The following ELMO1 variants were observed in gnomAD, a reference collection of about 807,000 sequenced individuals.
The protein encoded by ELMO1 is engulfment and cell motility protein 1.
A neutral mutation model predicts 98.9 loss-of-function variants in ELMO1; 26 were observed. The ratio of observed to expected loss-of-function variants is 0.26; its 90% confidence interval spans 0.19 to 0.36. The LOEUF (loss-of-function observed/expected upper bound fraction) is 0.36. ELMO1 is among the 10% of genes least tolerant of loss of function. ELMO1 has a pLI of 1.00. For synonymous variants in ELMO1, 346 were observed against 346.0 expected, an observed-to-expected ratio of 1.00 and a Z score of 0.00; for missense variants, 627 against 935.2, an observed-to-expected ratio of 0.67 and a Z score of 4.30.
chr7:37,403,464 T>C (rs1803619388), intron 1 of ELMO1, among the ~76,000 whole-genome samples: 1 of 152,148 alleles, frequency 6.6e-6, no homozygotes, highest in South Asian at 2.1e-4. Flanking sequence ...AGGTGAAGCA[T>C]CGTGGATTTT....
intron 16 of ELMO1, among the ~76,000 whole-genome samples, chr7:36,949,814 G>T (rs1787819165): frequency 6.6e-6 from 1 of 151,754 alleles, no homozygotes; most frequent in Non-Finnish European, 1.5e-5. Context: ...ACCCCACCCA[G>T]ATGTGACAAA....
chr7:37,119,718 T>C (rs1470709998), intron 14 of ELMO1, among the ~76,000 whole-genome samples: 1 of 152,244 alleles, frequency 6.6e-6, no homozygotes, highest in African/African-American at 2.4e-5. Flanking sequence ...TGTCTTCTGA[T>C]TTGGCATAAT....
intron 13 of ELMO1, among the ~76,000 whole-genome samples, chr7:37,142,781 T>C (rs1412886792): frequency 6.6e-6 from 1 of 152,224 alleles, no homozygotes; most frequent in African/African-American, 2.4e-5. Flanking sequence ...TGTTGCTATA[T>C]GAGTTTCAAA....
At chr7:37,355,084 CTCT>C (rs998979709) in intron 1 of ELMO1, among the ~76,000 whole-genome samples, 13 of 152,166 alleles carry the variant, frequency 8.5e-5, no homozygotes, top group African/African-American at 2.9e-4. Context: ...TACCATTAGG[CTCT>C]TTCTCCCGGC....
chr7:37,192,986 T>G lies in ELMO1; in HGVS notation c.1086+18400A>C, dbSNP rs905541290. Among the ~76,000 whole-genome samples, 15 of 51,856 alleles carry G rather than the reference T, an allele frequency of 2.9e-4. No homozygotes were observed. The East Asian group carries it at 5.6e-3, about 19-fold the overall frequency. 34.0% of individuals were successfully genotyped at this position (51,856 alleles called of 152,430 possible). ...TATATAGGAGATATATATATATATATATATATATATATATATATATATACA... is the reference window on the plus strand; with the variant it reads ...TATATAGGAGATATATATATATATAGATATATATATATATATATATATACA... On this transcript the variant is annotated intron_variant, in intron 13 of 21. Transcript: ENST00000310758.
chr7:36,963,111 G>A (rs1039023487), intron 16 of ELMO1, among the ~76,000 whole-genome samples: 1 of 152,174 alleles, frequency 6.6e-6, no homozygotes, highest in Non-Finnish European at 1.5e-5. Context: ...TGAGCTGGGC[G>A]TGGTGGCTCA....
chr7:37,396,491 A>C (rs1420187491), intron 1 of ELMO1, among the ~76,000 whole-genome samples: 1 of 152,224 alleles, frequency 6.6e-6, no homozygotes, highest in Non-Finnish European at 1.5e-5. Flanking sequence ...AGTAGATAAA[A>C]AACCTAGGTA....
intron 16 of ELMO1, among the ~76,000 whole-genome samples, chr7:36,947,120 G>A (rs942210244): frequency 6.6e-6 from 1 of 152,138 alleles, no homozygotes; most frequent in Non-Finnish European, 1.5e-5. Flanking sequence ...ACCTTGCCCT[G>A]CTCCCTCTCT....
intron 16 of ELMO1, among the ~76,000 whole-genome samples, chr7:36,989,029 TCTAG>T (rs962940945): frequency 3.1e-4 from 47 of 152,346 alleles, no homozygotes; most frequent in Middle Eastern, 3.4e-3. Flanking sequence ...GTTGGGTTGA[TCTAG>T]CTAACATTTA....
chr7:37,250,627 C>G (rs764557721), intron 6 of ELMO1, among the ~76,000 whole-genome samples: 2 of 151,898 alleles, frequency 1.3e-5, no homozygotes, highest in Non-Finnish European at 2.9e-5. Context: ...CCTGTCTCTA[C>G]TAAAAACACA....
intron 2 of ELMO1, among the ~76,000 whole-genome samples, chr7:37,330,880 A>G (rs934187373): frequency 1.3e-5 from 2 of 152,190 alleles, no homozygotes; most frequent in Non-Finnish European, 2.9e-5. Context: ...AAGTAAAATA[A>G]GGGCCATATG....
intron 2 of ELMO1, among the ~76,000 whole-genome samples, chr7:37,317,265 G>T (rs1053861951): frequency 2.6e-5 from 4 of 152,170 alleles, no homozygotes; most frequent in African/African-American, 4.8e-5. Flanking sequence ...AGTGTACGGT[G>T]TCCCTCCAGT....
chr7:36,933,543 C>T (rs966523605), intron 16 of ELMO1, among the ~76,000 whole-genome samples: 1 of 152,096 alleles, frequency 6.6e-6, no homozygotes, highest in Non-Finnish European at 1.5e-5. Context: ...CTTGGATGCC[C>T]TAGAGTGACA....
chr7:37,097,996 TAAACAAAAGCA>T (rs1784448416), intron 14 of ELMO1, among the ~76,000 whole-genome samples: 2 of 152,210 alleles, frequency 1.3e-5, no homozygotes, highest in South Asian at 4.1e-4. Context: ...ACACATAGAT[TAAACAAAAGCA>T]AAACAAAATA....
In ELMO1 at chr7:37,087,740, G is replaced by C. The variant is rs1783864849; in HGVS notation, c.1300+8879C>G. On this transcript the variant is annotated intron_variant, in intron 15 of 21. Coordinates refer to ENST00000310758, the MANE Select transcript of ELMO1 (RefSeq NM_014800.11). ...TTTCATTTTACTTTTTATTTGCCGT[G>C]GTTTTTACCATTTATCATTATTTTT... is the stretch of plus-strand genomic sequence containing the variant. 2.6e-5 allele frequency among the ~76,000 whole-genome samples: 4 copies of C among 151,602 alleles called. No homozygotes were observed. The South Asian group carries it at 8.3e-4, about 32-fold the overall frequency.
In ELMO1 at chr7:37,393,624, T is replaced by C. The variant is rs534684463; in HGVS notation, c.-73-50861A>G. ...TGTTCCTCAATTTGGGTTTGTCTGG[T>C]GCTGCTGCTACTGATTAGATTCAGG... is the stretch of plus-strand genomic sequence containing the variant. On this transcript the variant is annotated intron_variant, in intron 1 of 21. Transcript: ENST00000310758. Among the ~76,000 whole-genome samples the C allele has an allele frequency of 5.3e-5, 8 of 152,364 alleles. No homozygotes were observed. In the South Asian group the frequency reaches 1.7e-3, roughly 32 times the overall value.
chr7:37,220,282 G>A (rs1366130704), intron 10 of ELMO1, among the ~76,000 whole-genome samples: 1 of 152,136 alleles, frequency 6.6e-6, no homozygotes, highest in African/African-American at 2.4e-5. Flanking sequence ...TATAGTTTAT[G>A]AAGTCCACAT....
At chr7:37,258,018 C>T (rs911759067) in intron 6 of ELMO1, among the ~76,000 whole-genome samples, 5 of 151,774 alleles carry the variant, frequency 3.3e-5, no homozygotes, top group Non-Finnish European at 5.9e-5. Context: ...GCCTGTAATC[C>T]CAACACCTTG....
intron 16 of ELMO1, among the ~76,000 whole-genome samples, chr7:37,004,269 A>C (rs1331960429): frequency 6.6e-6 from 1 of 152,236 alleles, no homozygotes; most frequent in Admixed American, 6.5e-5. Flanking sequence ...CAAACCTTTC[A>C]TATAATCCAC....
Sources: gnomAD v4.1 joint callset for allele counts (sites outside exome capture counted in the v4.1 genomes callset) on GRCh38, gnomAD v4.1.1 for gene constraint, MANE v1.5 for transcripts, NCBI Gene and HGNC (gene_info 2026-07-23, HGNC 2026-07-21) for gene names.